EMC3: variants seen among roughly 807,000 people sequenced by gnomAD.
The protein encoded by EMC3 is 30 kDa protein.
In EMC3, 13 loss-of-function variants were observed where a neutral mutation model predicts 36.6. The observed-to-expected ratio is 0.35, with a 90% CI of 0.23 to 0.56. The LOEUF (loss-of-function observed/expected upper bound fraction) is 0.56. EMC3 is among the 20% of genes least tolerant of loss of function. The pLI, the probability that EMC3 is intolerant of heterozygous loss-of-function variation, is 0.84. For missense variants in EMC3, 220 were observed against 324.5 expected (o/e 0.68, Z 2.47); for synonymous variants, 120 against 111.9 (o/e 1.07, Z -0.46).
At chr3:9,987,868 A>C, upstream of EMC3, 1 of 755,390 alleles carries the variant, frequency 1.3e-6, no homozygotes, top group Middle Eastern at 2.5e-4. Flanking sequence ...CCCACTATGA[A>C]TGAGCAGAAC....
At chr3:9,980,554 GTTT>G (rs71052282) in intron 1 of EMC3, among the ~76,000 whole-genome samples, 2 of 130,914 alleles carry the variant, frequency 1.5e-5, no homozygotes, top group African/African-American at 5.7e-5. Flanking sequence ...TGTTTTTTTT[GTTT>G]TTTTTTTTTT....
In EMC3 at chr3:9,992,417, C is replaced by T. The variant is rs377178656; in HGVS notation, c.-241-5515G>A. ...CTGGGATTACAGGTGTGAGCCCCCA[C>T]GCCCAGCCTGGCTTATCCTTTTTGA... On this transcript the variant is annotated intron_variant, in intron 1 of 8. Coordinates refer to the EMC3 transcript ENST00000470827. 1.1e-3 allele frequency among the ~76,000 whole-genome samples: 166 copies of T among 152,282 alleles called. 1 individual carries two copies. Among genetic ancestry groups the T allele is most frequent in the African/African-American group, 3.7e-3 (152 of 41,544 alleles).
chr3:9,988,835 C>T (rs1326861587), upstream of EMC3: 14 of 883,950 alleles, frequency 1.6e-5, no homozygotes, highest in Non-Finnish European at 2.4e-5. Flanking sequence ...CTTTCTTTCT[C>T]CTCCCTCCAG....
chr3:9,985,160 C>T (rs2085956644), intron 1 of EMC3, among the ~76,000 whole-genome samples: 1 of 152,132 alleles, frequency 6.6e-6, no homozygotes, highest in Admixed American at 6.5e-5. Context: ...TATATATCAA[C>T]TTTTTTCCCA....
chr3:9,987,483 GAAC>G (rs1575688109), upstream of EMC3, among the ~76,000 whole-genome samples: 1 of 152,066 alleles, frequency 6.6e-6, no homozygotes, highest in African/African-American at 2.4e-5. Flanking sequence ...CCTTCCCGAT[GAAC>G]TAGTCCAGGC....
rs181045182 is a variant in EMC3 at position 9,962,720 on chromosome 3, C to A, written c.*1349G>T. ...GACGGTTTAATTTGTGGAGTCGAGTCGTTTGTTCTTAATTACTGCACTCAA... is the reference window on the plus strand; with the variant it reads ...GACGGTTTAATTTGTGGAGTCGAGTAGTTTGTTCTTAATTACTGCACTCAA... On this transcript the variant is annotated 3_prime_UTR_variant, in exon 8 of 8. Coordinates refer to ENST00000245046, the MANE Select transcript of EMC3 (RefSeq NM_001394674.1). 6.6e-6 allele frequency: 1 copy of A among 152,660 alleles called. No individual in the cohort carries two copies. Among genetic ancestry groups the A allele is most frequent in the African/African-American group, 2.4e-5 (1 of 41,508 alleles). 9.5% of individuals were successfully genotyped at this position (152,660 alleles called of 1,614,324 possible).
In EMC3 at chr3:9,964,056, C is replaced by A; in HGVS notation, c.*13G>T. The A allele has an allele frequency of 6.2e-7, 1 of 1,613,780 alleles. No individual in the cohort carries two copies. The highest frequency in any genetic ancestry group is 8.5e-7 in the Non-Finnish European group (1 of 1,179,824). On this transcript the variant is annotated 3_prime_UTR_variant, in exon 8 of 8. Transcript: ENST00000245046. ...ACTCCAAGTTCCTGACACAGCTAAT[C>A]CCTGCTCGGTCTTCAAAAAATAGAG...
At chr3:10,002,289 T>TTATGTTATGTTATGTTATG (rs1559359506) in intron 1 of EMC3, among the ~76,000 whole-genome samples, 5 of 150,304 alleles carry the variant, frequency 3.3e-5, no homozygotes, top group African/African-American at 1.2e-4. Flanking sequence ...TTTATTTTAT[T>TTATGTTATGTTATGTTATG]TTATTTTATT....
intron 5 of EMC3, among the ~76,000 whole-genome samples, chr3:9,972,915 G>A (rs1224303865): frequency 6.8e-6 from 1 of 147,922 alleles, no homozygotes; most frequent in African/African-American, 2.5e-5. Context: ...TGCAAGCTCC[G>A]CCTCCTGGGT....
At chr3:9,978,145 T>TAAAAAAAAAAAAAAAA (rs71052280) in intron 1 of EMC3, 4 of 27,282 alleles carry the variant, frequency 1.5e-4, no homozygotes, top group Non-Finnish European at 2.6e-4. Context: ...ACCCTGTCTC[T>TAAAAAAAAAAAAAAAA]AAAAAAAAAA....
In EMC3 at chr3:9,963,070, G is replaced by A. The variant is rs1023629363; in HGVS notation, c.*999C>T. ...TGATCCCAAAGGCACTTTAGAATCTGGCAGTGCCTCAGGGTCACTGATTTT... is the reference window on the plus strand; with the variant it reads ...TGATCCCAAAGGCACTTTAGAATCTAGCAGTGCCTCAGGGTCACTGATTTT... On this transcript the variant is annotated 3_prime_UTR_variant, in exon 8 of 8. Coordinates refer to ENST00000245046, the MANE Select transcript of EMC3 (RefSeq NM_001394674.1). 2 of 152,164 alleles carry A rather than the reference G, an allele frequency of 1.3e-5. No individual in the cohort carries two copies. Among genetic ancestry groups the A allele is most frequent in the Non-Finnish European group, 2.9e-5 (2 of 68,030 alleles). The allele number at this position is 152,164 out of a possible 1,614,324, so 9.4% of individuals were successfully genotyped here. A position where few individuals can be genotyped will look rare whatever the true frequency, so the allele number is the denominator to read the frequency against.
chr3:10,003,971 T>C (rs889220096), intron 1 of EMC3: 1 of 152,464 alleles, frequency 6.6e-6, no homozygotes, highest in Non-Finnish European at 1.5e-5. Context: ...CATTCCATGA[T>C]GGGCAGAAGC....
At chr3:9,992,190 G>A (rs1409828365) in intron 1 of EMC3, among the ~76,000 whole-genome samples, 1 of 151,898 alleles carries the variant, frequency 6.6e-6, no homozygotes, top group Non-Finnish European at 1.5e-5. Flanking sequence ...GCACAATCTC[G>A]GCTCATTGCA....
chr3:9,998,765 T>G (rs1311753589), intron 1 of EMC3, among the ~76,000 whole-genome samples: 1 of 152,174 alleles, frequency 6.6e-6, no homozygotes, highest in Non-Finnish European at 1.5e-5. Flanking sequence ...TTTGTTTGTT[T>G]TGTTTTTCAG....
chr3:9,984,518 T>C (rs1047908684), intron 1 of EMC3, among the ~76,000 whole-genome samples: 1 of 151,598 alleles, frequency 6.6e-6, no homozygotes, highest in Non-Finnish European at 1.5e-5. Context: ...GCCTCCCGAG[T>C]AGCTGGGACT....
intron 5 of EMC3, among the ~76,000 whole-genome samples, chr3:9,972,462 G>GAAAAAA (rs34891720): frequency 1.1e-5 from 1 of 90,704 alleles, no homozygotes; most frequent in Admixed American, 1.2e-4. Context: ...GAGTTTCAAT[G>GAAAAAA]AAAAAAAAAA....
intron 5 of EMC3, among the ~76,000 whole-genome samples, chr3:9,971,024 G>A (rs972158548): frequency 6.6e-6 from 1 of 151,872 alleles, no homozygotes; most frequent in African/African-American, 2.4e-5. Context: ...CTGGGTTCAA[G>A]AGATTCTCCT....
chr3:9,990,281 A>G (rs2086031790), upstream of EMC3, among the ~76,000 whole-genome samples: 1 of 149,066 alleles, frequency 6.7e-6, no homozygotes, highest in South Asian at 2.1e-4. Context: ...CAGCCTCCCA[A>G]AGTCCTGGGA....
chr3:9,969,683 A>G (rs1455201323), intron 7 of EMC3, 36 bp downstream of exon 7: 1 of 1,614,086 alleles, frequency 6.2e-7, no homozygotes. Flanking sequence ...CACCTTTCAG[A>G]GCATTGCTGC....
Sources: allele counts gnomAD v4.1 joint callset (sites outside exome capture counted in the v4.1 genomes callset), GRCh38; gene constraint gnomAD v4.1.1; transcripts MANE v1.5; gene names NCBI Gene and HGNC (gene_info 2026-07-23, HGNC 2026-07-21).